Variants in GPC5 observed in about 807,000 individuals in gnomAD.
The protein encoded by GPC5 is glypican-5.
Under a neutral mutation model 53.9 loss-of-function variants are expected in GPC5, and 47 were observed. The ratio of observed to expected loss-of-function variants is 0.87; its 90% CI spans 0.69 to 1.11. The LOEUF (loss-of-function observed/expected upper bound fraction) is 1.11. Among genes scored for constraint, GPC5 ranks in the 50% most tolerant of loss-of-function variants. The pLI is 0.00. For synonymous variants in GPC5, 286 were observed against 263.3 expected (o/e 1.09, Z -0.84); for missense variants, 748 against 713.1 (o/e 1.05, Z -0.56).
intron 2 of GPC5, among the ~76,000 whole-genome samples, chr13:91,523,783 T>C (rs1221160615): frequency 6.6e-6 from 1 of 152,202 alleles, no homozygotes; most frequent in African/African-American, 2.4e-5. Context: ...TTAGCTTAAA[T>C]GTAGTTAATC....
chr13:91,646,038 A>G (rs1022553650), intron 2 of GPC5, among the ~76,000 whole-genome samples: 2 of 152,174 alleles, frequency 1.3e-5, no homozygotes, highest in African/African-American at 4.8e-5. Context: ...ATAAAGCAAG[A>G]ATATTGTAGT....
intron 5 of GPC5, among the ~76,000 whole-genome samples, chr13:91,763,135 A>T (rs2037449527): frequency 6.6e-6 from 1 of 152,122 alleles, no homozygotes; most frequent in African/African-American, 2.4e-5. Flanking sequence ...GAGATTTAGG[A>T]CTTTGGACTT....
intron 2 of GPC5, among the ~76,000 whole-genome samples, chr13:91,617,975 T>C (rs1176726174): frequency 1.3e-5 from 2 of 152,082 alleles, no homozygotes; most frequent in Admixed American, 1.3e-4. Context: ...CACAAAATAT[T>C]CTCCTCCTTC....
chr13:91,509,223 A>G (rs920921709), intron 2 of GPC5, among the ~76,000 whole-genome samples: 9 of 151,690 alleles, frequency 5.9e-5, no homozygotes, highest in Admixed American at 2.6e-4. Flanking sequence ...TGAATATTTT[A>G]TTATTAAATT....
At chr13:92,394,624 C>T (rs1875177235) in intron 7 of GPC5, among the ~76,000 whole-genome samples, 1 of 152,240 alleles carries the variant, frequency 6.6e-6, no homozygotes, top group Non-Finnish European at 1.5e-5. Flanking sequence ...TCTATGGTAC[C>T]TGTGATAGCA....
intron 7 of GPC5, among the ~76,000 whole-genome samples, chr13:92,217,620 G>A (rs1419106440): frequency 2.0e-5 from 3 of 152,156 alleles, no homozygotes; most frequent in Non-Finnish European, 1.5e-5. Flanking sequence ...GCCACCAAGT[G>A]CAAAATCCCA....
chr13:91,683,755 C>T (rs2035560177), intron 2 of GPC5, among the ~76,000 whole-genome samples: 1 of 152,224 alleles, frequency 6.6e-6, no homozygotes, highest in African/African-American at 2.4e-5. Context: ...CAGTTCCCAT[C>T]CTGCCTGCTC....
At chr13:92,244,765 C>T (rs1408096769) in intron 7 of GPC5, among the ~76,000 whole-genome samples, 7 of 151,984 alleles carry the variant, frequency 4.6e-5, no homozygotes, top group East Asian at 1.9e-4. Flanking sequence ...GTTGGCTGGG[C>T]GCAATGGCTC....
chr13:92,723,240 A>C (rs1888550725), intron 7 of GPC5, among the ~76,000 whole-genome samples: 1 of 145,578 alleles, frequency 6.9e-6, no homozygotes, highest in Non-Finnish European at 1.5e-5. Context: ...GGTGAGATTC[A>C]TATTAAGTGT....
chr13:92,311,136 T>C (rs16947336), intron 7 of GPC5, among the ~76,000 whole-genome samples: 3,440 of 152,274 alleles, frequency 0.023, 143 homozygotes, highest in African/African-American at 0.079. Context: ...AATTCATAAA[T>C]CTATTGAACA....
At chr13:92,088,659 T>C (rs572923649) in intron 6 of GPC5, among the ~76,000 whole-genome samples, 24 of 152,240 alleles carry the variant, frequency 1.6e-4, no homozygotes, top group African/African-American at 4.8e-4. Flanking sequence ...CACAGCTGAG[T>C]CCTGTCCACT....
intron 6 of GPC5, among the ~76,000 whole-genome samples, chr13:91,973,685 AG>A (rs2040267238): frequency 6.6e-6 from 1 of 152,186 alleles, no homozygotes; most frequent in South Asian, 2.1e-4. Flanking sequence ...TCCTTCTAAC[AG>A]ACAGGACCCT....
chr13:92,713,312 G>GC (rs1566378959), intron 7 of GPC5, among the ~76,000 whole-genome samples: 1 of 151,936 alleles, frequency 6.6e-6, no homozygotes. Flanking sequence ...GTTCAATCTG[G>GC]CCGGGTGTGG....
At chr13:91,563,507 A>T (rs1040271414) in intron 2 of GPC5, among the ~76,000 whole-genome samples, 2 of 152,200 alleles carry the variant, frequency 1.3e-5, no homozygotes, top group Admixed American at 1.3e-4. Flanking sequence ...TATAATCAAG[A>T]TTGCATATTT....
chr13:92,762,148 T>G (rs1424547828), intron 7 of GPC5, among the ~76,000 whole-genome samples: 1 of 152,114 alleles, frequency 6.6e-6, no homozygotes, highest in Admixed American at 6.5e-5. Flanking sequence ...AATACTGTTA[T>G]GATGCTCTAT....
chr13:92,225,453 C>T lies in GPC5; in HGVS notation c.1561+80464C>T, dbSNP rs865995736. Among the ~76,000 whole-genome samples the T allele has an allele frequency of 5.3e-5, 8 of 152,182 alleles. No homozygotes were observed. The South Asian group carries it at 8.3e-4, about 16-fold the overall frequency. On this transcript the variant is annotated intron_variant, in intron 7 of 7. Coordinates refer to ENST00000377067, the MANE Select transcript of GPC5 (RefSeq NM_004466.6). ...TAAAATAGATGTGACTTTGTAATTTCCGTCTGACCTCAGGAGCTATACAAA... is the reference window on the plus strand; with the variant it reads ...TAAAATAGATGTGACTTTGTAATTTTCGTCTGACCTCAGGAGCTATACAAA...
At chr13:91,557,365 C>G (rs1228778042) in intron 2 of GPC5, among the ~76,000 whole-genome samples, 1 of 152,084 alleles carries the variant, frequency 6.6e-6, no homozygotes, top group Non-Finnish European at 1.5e-5. Context: ...CAATTTATCT[C>G]TTCTCTTTAC....
intron 7 of GPC5, among the ~76,000 whole-genome samples, chr13:92,443,543 CAA>C (rs34863986): frequency 6.6e-6 from 1 of 151,578 alleles, no homozygotes; most frequent in Non-Finnish European, 1.5e-5. Context: ...ACTTGTGTTA[CAA>C]AAAAAACAAT....
intron 2 of GPC5, among the ~76,000 whole-genome samples, chr13:91,645,879 G>T: frequency 6.6e-6 from 1 of 152,186 alleles, no homozygotes; most frequent in Non-Finnish European, 1.5e-5. Context: ...AAGTCCTCTG[G>T]TAACATTAAT....
Sources: allele counts gnomAD v4.1 joint callset (sites outside exome capture counted in the v4.1 genomes callset), GRCh38; gene constraint gnomAD v4.1.1; transcripts MANE v1.5; gene names NCBI Gene and HGNC (gene_info 2026-07-23, HGNC 2026-07-21).